The following ZBTB49 variants were observed in gnomAD, a reference collection of about 807,000 sequenced individuals.
The protein encoded by ZBTB49 is zinc finger and BTB domain-containing protein 49.
ZBTB49 carries 43 observed loss-of-function variants against 57.5 expected under a neutral mutation model. The ratio of observed to expected loss-of-function variants is 0.75; its 90% confidence interval spans 0.59 to 0.97. ZBTB49 has a LOEUF of 0.97. Among genes scored for constraint, ZBTB49 ranks in the 50% least tolerant of loss-of-function variants. The pLI, the probability that ZBTB49 is intolerant of heterozygous loss-of-function variation, is 0.00. For synonymous variants in ZBTB49, 369 were observed against 362.1 expected (o/e 1.02, Z -0.22); for missense variants, 938 against 947.7 (o/e 0.99, Z 0.13).
At chr4:4,294,371 T>A (rs1229210653) in intron 1 of ZBTB49, among the ~76,000 whole-genome samples, 2 of 152,144 alleles carry the variant, frequency 1.3e-5, no homozygotes, top group Non-Finnish European at 2.9e-5. Context: ...ATAATTATTA[T>A]TTTGAGATGG....
chr4:4,306,781 A>G (rs1006280693), intron 4 of ZBTB49, among the ~76,000 whole-genome samples: 3 of 152,194 alleles, frequency 2.0e-5, no homozygotes, highest in African/African-American at 7.2e-5. Context: ...GTGGGAACCT[A>G]TTCTTTCTGA....
chr4:4,302,170 CTG>C lies in ZBTB49; in HGVS notation c.338_339del (p.Cys113SerfsTer18). The C allele has an allele frequency of 6.2e-7, 1 of 1,614,254 alleles. No homozygotes were observed. The highest frequency in any genetic ancestry group is 8.5e-7 in the Non-Finnish European group (1 of 1,180,042). On this transcript the variant is annotated frameshift_variant, in exon 3 of 8. Coordinates refer to ENST00000337872, the MANE Select transcript of ZBTB49 (RefSeq NM_145291.4). LOFTEE classifies it high-confidence loss of function. ...TTTGCAAGTTCAAAATGTTCTGAGT[CTG>C]TGTCACACATTTTTAAAATCAGCCA... The part of the protein sequence containing the change: ...QCLQVQNVLS[L>X]CHTFLKSATV...
intron 1 of ZBTB49, among the ~76,000 whole-genome samples, chr4:4,296,768 G>A (rs954900394): frequency 7.2e-5 from 11 of 152,202 alleles, no homozygotes; most frequent in Non-Finnish European, 1.3e-4. Flanking sequence ...CCTAGGGGGA[G>A]GGCTTTGTCG....
intron 1 of ZBTB49, 134 bp from the exon 2 acceptor site, chr4:4,299,778 TGTGTGTGTGTGTGTG>T (rs1720391511): frequency 1.3e-5 from 7 of 518,614 alleles, no homozygotes; most frequent in African/African-American, 1.0e-4. Context: ...GAAACAGAGG[TGTGTGTGTGTGTGTG>T]TGTGTGTGTG....
chr4:4,313,029 C>G lies in ZBTB49; in HGVS notation c.1303-12C>G, dbSNP rs555638647. 1.8e-5 allele frequency: 29 copies of G among 1,612,854 alleles called. No homozygotes were observed. The East Asian group carries it at 6.2e-4, about 35-fold the overall frequency. The stretch of plus-strand genomic sequence containing the variant: ...TCATTATTGGTGTGTTTTTCTTTTC[C>G]TCTTTTTGCAGGCAGGTAACTTGCA... On this transcript the variant is annotated splice_polypyrimidine_tract_variant and intron_variant, in intron 4 of 7. Transcript: ENST00000337872.
intron 1 of ZBTB49, among the ~76,000 whole-genome samples, chr4:4,290,767 C>T (rs142139679): frequency 5.3e-5 from 8 of 152,364 alleles, no homozygotes; most frequent in Non-Finnish European, 8.8e-5. Flanking sequence ...GCGCTTAAGA[C>T]GACAGAGCCC....
At chr4:4,316,257 G>A (rs1305187225) in intron 7 of ZBTB49, among the ~76,000 whole-genome samples, 1 of 152,204 alleles carries the variant, frequency 6.6e-6, no homozygotes, top group Non-Finnish European at 1.5e-5. Context: ...AGGGTGGCTG[G>A]GAAAGTAGGG....
In ZBTB49 at chr4:4,320,790, A is replaced by G. The variant is rs765065938; in HGVS notation, c.1772A>G (p.Glu591Gly). ...HKKMHCKAGD[E>G]SPDVLEELSQ... ...AAGATGCACTGCAAAGCTGGTGACG[A>G]GAGCCCAGATGTGCTGGAGGAGCTC... Residue 591 changes from glutamate to glycine, a missense_variant, in exon 8 of 8, where the codon GAG becomes GGG. Glu to Gly is a moderately conservative substitution (Grantham distance 98, BLOSUM62 -2). Coordinates refer to ENST00000337872, the MANE Select transcript of ZBTB49 (RefSeq NM_145291.4). 1.9e-6 allele frequency: 3 copies of G among 1,614,044 alleles called. No homozygotes were observed. The highest frequency in any genetic ancestry group is 1.7e-6 in the Non-Finnish European group (2 of 1,180,032).
intron 7 of ZBTB49, among the ~76,000 whole-genome samples, chr4:4,319,400 G>A (rs1380799283): frequency 1.3e-5 from 2 of 152,244 alleles, no homozygotes; most frequent in African/African-American, 4.8e-5. Context: ...TGTGGCCTTT[G>A]TAAGGTTATG....
chr4:4,319,872 A>C lies in ZBTB49; in HGVS notation c.1622-768A>C, dbSNP rs542776797. Among the ~76,000 whole-genome samples the C allele has an allele frequency of 4.0e-5, 6 of 151,686 alleles. No individual in the cohort carries two copies. In the South Asian group the frequency reaches 1.3e-3, roughly 32 times the overall value. On this transcript the variant is annotated intron_variant, in intron 7 of 7. Coordinates refer to ENST00000337872, the MANE Select transcript of ZBTB49 (RefSeq NM_145291.4). ...CAGGAGTTCAAGACCAGCCTGGCCA[A>C]CATGGTGAAATGCCATTTCTACTAA...
chr4:4,299,880 G>A (rs1720399065), intron 1 of ZBTB49, 47 bp from the exon 2 acceptor site: 1 of 1,580,800 alleles, frequency 6.3e-7, no homozygotes, highest in South Asian at 1.1e-5. Context: ...TTAGTTTCCA[G>A]TGAGGTCCTT....
chr4:4,319,004 C>T (rs1405906266), intron 7 of ZBTB49, among the ~76,000 whole-genome samples: 1 of 151,292 alleles, frequency 6.6e-6, no homozygotes, highest in Non-Finnish European at 1.5e-5. Context: ...AGTCCTCTCG[C>T]CTCAGTCTTC....
intron 4 of ZBTB49, among the ~76,000 whole-genome samples, chr4:4,312,727 C>A (rs540619036): frequency 6.6e-6 from 1 of 152,306 alleles, no homozygotes; most frequent in South Asian, 2.1e-4. Context: ...CCAGGCTTGG[C>A]GACCACCAAA....
intron 5 of ZBTB49, among the ~76,000 whole-genome samples, chr4:4,314,200 A>G (rs1721096371): frequency 6.6e-6 from 1 of 152,200 alleles, no homozygotes; most frequent in Admixed American, 6.5e-5. Flanking sequence ...CTGAAAGTCA[A>G]GTTCAGGGCC....
intron 7 of ZBTB49, among the ~76,000 whole-genome samples, chr4:4,318,966 C>T (rs939852903): frequency 6.9e-6 from 1 of 145,474 alleles, no homozygotes; most frequent in African/African-American, 2.5e-5. Flanking sequence ...TCACAGCTCA[C>T]TGCAGCCTCG....
At position 4,302,972 on chromosome 4, in the gene ZBTB49, C is replaced by G. The variant is rs148028077; in HGVS notation, c.1136C>G (p.Pro379Arg). The change falls in exon 3 of 8, where the codon CCG becomes CGG. Residue 379 changes from proline to arginine, a missense_variant. Physicochemically the swap from Pro to Arg is moderately radical, Grantham distance 103. Around this residue, in one of 3 missense-constraint regions of ZBTB49, gnomAD observed 835 missense variants for 819.1 expected, o/e 1.02. Transcript: ENST00000337872. Reference sequence around the variant, plus strand: ...AGTGAGACGGAGAGGCCTGAAGACCCGGCTGCCCTGGAAGACCAGTCCCAG... The same window carrying G: ...AGTGAGACGGAGAGGCCTGAAGACCGGGCTGCCCTGGAAGACCAGTCCCAG... ...CISETERPEDPAALEDQSQTL... is the reference protein window; with the variant it reads ...CISETERPEDRAALEDQSQTL... The G allele has an allele frequency of 2.8e-5, 45 of 1,614,182 alleles. No individual in the cohort carries two copies. The highest frequency in any genetic ancestry group is 3.6e-5 in the Non-Finnish European group (42 of 1,180,034).
intron 1 of ZBTB49, among the ~76,000 whole-genome samples, chr4:4,295,341 C>T (rs867731965): frequency 1.1e-4 from 16 of 152,092 alleles, no homozygotes; most frequent in African/African-American, 3.9e-4. Flanking sequence ...TTTAAACCAT[C>T]AGATCTACTG....
intron 4 of ZBTB49, among the ~76,000 whole-genome samples, chr4:4,310,302 C>A (rs1720927779): frequency 6.6e-6 from 1 of 152,094 alleles, no homozygotes; most frequent in Admixed American, 6.5e-5. Context: ...CTAGGCAAAC[C>A]TGAATTAGTG....
Position 4,302,421 on chromosome 4 carries a change from T to A in ZBTB49, c.585T>A (p.Pro195=). Residue 195 remains proline, a synonymous_variant, in exon 3 of 8, where the codon CCT becomes CCA. Transcript: ENST00000337872. ...HSAGEISKQA[P]DTSDGSCTEL... ...CAGGTGAAATCTCAAAACAAGCTCC[T>A]GATACTTCAGATGGCAGCTGCACAG... 1 of 1,614,250 alleles carries A rather than the reference T, an allele frequency of 6.2e-7. No individual in the cohort carries two copies. The highest frequency in any genetic ancestry group is 1.6e-4 in the Middle Eastern group (1 of 6,062).
Sources: gnomAD v4.1 joint callset for allele counts (sites outside exome capture counted in the v4.1 genomes callset) on GRCh38, gnomAD v4.1.1 for gene constraint, gnomAD v4.1.1 regional missense constraint, MANE v1.5 for transcripts, NCBI Gene and HGNC (gene_info 2026-07-23, HGNC 2026-07-21) for gene names.